The following PRKG1 variants were observed in gnomAD, a reference collection of about 807,000 sequenced individuals.
PRKG1 encodes cGMP-dependent protein kinase 1.
Under a neutral mutation model 88.1 loss-of-function variants are expected in PRKG1, and 35 were observed. The ratio of observed to expected loss-of-function variants is 0.40; its 90% CI spans 0.30 to 0.53. The LOEUF (loss-of-function observed/expected upper bound fraction) is 0.53, where lower values mean the gene tolerates loss of function less well. PRKG1 is among the 20% of genes least tolerant of loss of function. PRKG1 has a pLI of 0.59. For synonymous variants in PRKG1, 303 were observed against 292.5 expected (o/e 1.04, Z -0.37); for missense variants, 540 against 839.8 (o/e 0.64, Z 4.41).
At chr10:52,144,387 G>C (rs11000938) in intron 8 of PRKG1, among the ~76,000 whole-genome samples, 60,594 of 152,164 alleles carry the variant, frequency 0.4, 14,799 homozygotes, top group Non-Finnish European at 0.53. Flanking sequence ...CATTGGAACT[G>C]TATTTTGTAT....
intron 1 of PRKG1, among the ~76,000 whole-genome samples, chr10:51,121,701 C>T (rs2879521): frequency 0.8 from 121,252 of 152,068 alleles, 48,910 homozygotes; most frequent in South Asian, 0.88. Flanking sequence ...TAATGTGGCA[C>T]CAAGATTGGT....
intron 5 of PRKG1, among the ~76,000 whole-genome samples, chr10:52,006,526 T>A (rs1844740316): frequency 6.6e-6 from 1 of 151,700 alleles, no homozygotes; most frequent in Non-Finnish European, 1.5e-5. Flanking sequence ...GAGGAAAAAA[T>A]TTCAGAGCTC....
chr10:52,099,364 C>T (rs1847245278), intron 7 of PRKG1, among the ~76,000 whole-genome samples: 1 of 152,076 alleles, frequency 6.6e-6, no homozygotes, highest in Non-Finnish European at 1.5e-5. Context: ...TACAGAAGTA[C>T]GAGATGAATA....
chr10:51,224,203 C>T (rs1235420476), intron 2 of PRKG1, among the ~76,000 whole-genome samples: 3 of 152,186 alleles, frequency 2.0e-5, no homozygotes, highest in Admixed American at 1.3e-4. Flanking sequence ...GAAAAGTTAA[C>T]GTTTTCAGTG....
At chr10:51,709,698 AGTTTGCTGCCAAGTGG>A (rs1279961093) in intron 3 of PRKG1, among the ~76,000 whole-genome samples, 1 of 129,926 alleles carries the variant, frequency 7.7e-6, no homozygotes, top group African/African-American at 2.8e-5. Context: ...AGTGGTCTGG[AGTTTGCTGCCAAGTGG>A]TCTGGAGTTT....
intron 3 of PRKG1, among the ~76,000 whole-genome samples, chr10:51,684,582 A>T (rs1231434015): frequency 2.0e-5 from 3 of 152,070 alleles, no homozygotes; most frequent in Non-Finnish European, 2.9e-5. Flanking sequence ...TATATATATA[A>T]AATTTGGCCA....
chr10:52,098,269 TC>T (rs1318320962), intron 7 of PRKG1, among the ~76,000 whole-genome samples: 1 of 152,210 alleles, frequency 6.6e-6, no homozygotes, highest in East Asian at 1.9e-4. Context: ...AAAGTCAGTT[TC>T]TACAGTTCCC....
chr10:51,979,410 G>GTTTTTTTTTT lies in PRKG1; in HGVS notation c.762+71855_762+71864dup. Among the ~76,000 whole-genome samples, 142 of 47,052 alleles carry GTTTTTTTTTT rather than the reference G, an allele frequency of 3.0e-3. 32 individuals carry two copies. The highest frequency in any genetic ancestry group is 0.077 in the Middle Eastern group (2 of 26). 30.9% of individuals were successfully genotyped at this position (47,052 alleles called of 152,430 possible). On this transcript the variant is annotated intron_variant, in intron 5 of 17. Transcript: ENST00000373980. ...CAATATTCATCATGGATATTGGTCT[G>GTTTTTTTTTT]TTTTTTTTTTTTTTTTTTTTTTTTC...
At chr10:51,179,096 C>T (rs376340015) in intron 2 of PRKG1, among the ~76,000 whole-genome samples, 40 of 152,254 alleles carry the variant, frequency 2.6e-4, no homozygotes, top group African/African-American at 8.7e-4. Context: ...TGATGACTTG[C>T]GCTTAATGAT....
At chr10:51,870,996 A>G (rs1299429480) in intron 4 of PRKG1, among the ~76,000 whole-genome samples, 1 of 152,182 alleles carries the variant, frequency 6.6e-6, no homozygotes, top group African/African-American at 2.4e-5. Context: ...TTCTTGGAGA[A>G]AATGATTTCT....
At chr10:51,755,233 GAGA>G (rs534264019) in intron 3 of PRKG1, among the ~76,000 whole-genome samples, 2 of 152,314 alleles carry the variant, frequency 1.3e-5, no homozygotes, top group Non-Finnish European at 2.9e-5. Flanking sequence ...GATACTTAAG[GAGA>G]AGGTGTCCCT....
chr10:51,342,515 G>C (rs1471778928), intron 2 of PRKG1, among the ~76,000 whole-genome samples: 1 of 152,062 alleles, frequency 6.6e-6, no homozygotes, highest in East Asian at 1.9e-4. Context: ...GAACTTGTTT[G>C]TTTGCCAATT....
At chr10:51,264,603 A>G (rs1839793937) in intron 2 of PRKG1, among the ~76,000 whole-genome samples, 2 of 152,160 alleles carry the variant, frequency 1.3e-5, no homozygotes, top group Non-Finnish European at 1.5e-5. Context: ...TTATCTCTGG[A>G]AATCTTTGGT....
At chr10:51,234,348 A>C (rs1589266022) in intron 2 of PRKG1, among the ~76,000 whole-genome samples, 3 of 152,310 alleles carry the variant, frequency 2.0e-5, no homozygotes, top group Admixed American at 6.5e-5. Context: ...TTTTCTGCCC[A>C]GATTGCACTG....
At chr10:51,025,832 G>C (rs548441597) in intron 1 of PRKG1, among the ~76,000 whole-genome samples, 53 of 152,164 alleles carry the variant, frequency 3.5e-4, no homozygotes, top group African/African-American at 7.9e-4. Flanking sequence ...GAAGGTTATG[G>C]GTTGAATTAT....
intron 5 of PRKG1, among the ~76,000 whole-genome samples, chr10:52,040,164 A>G (rs1419294508): frequency 6.6e-6 from 1 of 152,212 alleles, no homozygotes; most frequent in Non-Finnish European, 1.5e-5. Flanking sequence ...AAGAAGTAAA[A>G]TATTGAGTAA....
intron 2 of PRKG1, among the ~76,000 whole-genome samples, chr10:51,257,232 G>C (rs1315084055): frequency 1.3e-5 from 2 of 150,926 alleles, no homozygotes. Context: ...TGCAGCATCA[G>C]TGGGATGCTT....
intron 1 of PRKG1, among the ~76,000 whole-genome samples, chr10:51,085,552 AG>A (rs1844226362): frequency 6.6e-6 from 1 of 152,014 alleles, no homozygotes; most frequent in Non-Finnish European, 1.5e-5. Context: ...GAACTTTTGG[AG>A]GGTACCAAAG....
At chr10:51,952,129 C>T (rs1267766916) in intron 5 of PRKG1, among the ~76,000 whole-genome samples, 2 of 152,120 alleles carry the variant, frequency 1.3e-5, no homozygotes, top group Non-Finnish European at 2.9e-5. Flanking sequence ...CTTGCCAATC[C>T]CTCTGCTAGA....
Sources: allele counts gnomAD v4.1 joint callset (sites outside exome capture counted in the v4.1 genomes callset), GRCh38; gene constraint gnomAD v4.1.1; transcripts MANE v1.5; gene names NCBI Gene and HGNC (gene_info 2026-07-23, HGNC 2026-07-21).